The following VRK1 variants were observed in gnomAD, a reference collection of about 807,000 sequenced individuals.
The protein encoded by VRK1 is serine/threonine-protein kinase VRK1.
Under a neutral mutation model 57.1 loss-of-function variants are expected in VRK1, and 33 were observed. That is an observed-to-expected ratio of 0.58 (90% CI 0.44 to 0.77). The LOEUF (loss-of-function observed/expected upper bound fraction) is 0.77. Among genes scored for constraint, VRK1 ranks in the 30% least tolerant of loss-of-function variants. VRK1 has a pLI of 0.00. For synonymous variants in VRK1, 137 were observed against 147.8 expected (o/e 0.93, Z 0.53); for missense variants, 413 against 477.3 (o/e 0.87, Z 1.25).
rs115680137 is a variant in VRK1 at position 96,839,300 on chromosome 14, G to A, written c.216+1483G>A. 3.5e-3 allele frequency among the ~76,000 whole-genome samples: 534 copies of A among 152,166 alleles called. 9 individuals carry two copies. Among genetic ancestry groups the A allele is most frequent in the African/African-American group, 0.012 (513 of 41,502 alleles). On this transcript the variant is annotated intron_variant, in intron 3 of 12. Transcript: ENST00000216639. ...TCCAGTTTTTGGTATTATGAATAAAGCGTCTATAAACATTCTTGTACAAGT... is the reference window on the plus strand; with the variant it reads ...TCCAGTTTTTGGTATTATGAATAAAACGTCTATAAACATTCTTGTACAAGT...
At chr14:96,875,858 C>T (rs952401562) in intron 11 of VRK1, among the ~76,000 whole-genome samples, 172 bp from the exon 12 acceptor site, 5 of 152,194 alleles carry the variant, frequency 3.3e-5, no homozygotes, top group African/African-American at 1.2e-4. Flanking sequence ...TTCCATCCCT[C>T]ATCCATTCCT....
chr14:96,875,440 G>C (rs551592981), intron 11 of VRK1, among the ~76,000 whole-genome samples: 1 of 152,238 alleles, frequency 6.6e-6, no homozygotes, highest in East Asian at 1.9e-4. Flanking sequence ...TGTACAGTAA[G>C]GTTTATGGCC....
intron 2 of VRK1, among the ~76,000 whole-genome samples, chr14:96,836,504 T>C (rs919009231): frequency 1.4e-5 from 2 of 147,142 alleles, no homozygotes; most frequent in African/African-American, 2.5e-5. Context: ...TCAAGCACAC[T>C]CCTACATCAG....
intron 1 of VRK1, among the ~76,000 whole-genome samples, chr14:96,802,210 G>A (rs10147248): frequency 0.14 from 21,531 of 152,088 alleles, 2,700 homozygotes; most frequent in African/African-American, 0.34. Context: ...GCAATTTCTC[G>A]AAAAGTTAAA....
intron 1 of VRK1, among the ~76,000 whole-genome samples, chr14:96,807,423 C>T (rs1180356812): frequency 6.6e-6 from 1 of 152,196 alleles, no homozygotes; most frequent in African/African-American, 2.4e-5. Flanking sequence ...GGCATGGTTT[C>T]ATGTCAGTTT....
intron 1 of VRK1, among the ~76,000 whole-genome samples, chr14:96,813,150 T>G (rs1297077185): frequency 6.6e-6 from 1 of 152,226 alleles, no homozygotes; most frequent in African/African-American, 2.4e-5. Context: ...GAGATTGACA[T>G]ATACATAACT....
At chr14:96,829,724 CG>C (rs1460049878) in intron 1 of VRK1, among the ~76,000 whole-genome samples, 1 of 152,052 alleles carries the variant, frequency 6.6e-6, no homozygotes, top group African/African-American at 2.4e-5. Context: ...GCCTTTTTTG[CG>C]TATGTTATCC....
At chr14:96,847,535 T>C (rs1018016476) in intron 5 of VRK1, among the ~76,000 whole-genome samples, 191 bp downstream of exon 5, 5 of 152,174 alleles carry the variant, frequency 3.3e-5, no homozygotes, top group African/African-American at 1.2e-4. Flanking sequence ...CAGGCTATGA[T>C]GCCTTATTAG....
chr14:96,876,078 A>G lies in VRK1; in HGVS notation c.1117A>G (p.Thr373Ala), dbSNP rs199759408. The change falls in exon 12 of 13, where the codon ACG (threonine) becomes GCG (alanine). Residue 373 changes from threonine (T) to alanine (A), a missense_variant. By Grantham distance (58) the Thr-to-Ala change is moderately conservative. Transcript: ENST00000216639. ...AAGCAAGGAACCTGGTGTTGAAGAT[A>G]CGGAATGGTCAAACACACAGACAGA... The part of the protein sequence containing the change: ...EESKEPGVED[T>A]EWSNTQTEEA... 5.0e-6 allele frequency: 8 copies of G among 1,613,610 alleles called. No individual in the cohort carries two copies. The African/African-American group carries it at 8.0e-5, about 16-fold the overall frequency.
intron 1 of VRK1, among the ~76,000 whole-genome samples, chr14:96,823,069 T>C (rs1211818441): frequency 6.6e-6 from 1 of 152,206 alleles, no homozygotes; most frequent in Non-Finnish European, 1.5e-5. Context: ...GCAAAGTCCT[T>C]TCAGAGGAGG....
chr14:96,802,350 C>T (rs1053424298), intron 1 of VRK1, among the ~76,000 whole-genome samples: 1 of 152,146 alleles, frequency 6.6e-6, no homozygotes, highest in Non-Finnish European at 1.5e-5. Context: ...AAACCAGAAA[C>T]AACTCACATG....
At chr14:96,804,075 C>G (rs1461231425) in intron 1 of VRK1, among the ~76,000 whole-genome samples, 1 of 152,198 alleles carries the variant, frequency 6.6e-6, no homozygotes, top group East Asian at 1.9e-4. Flanking sequence ...TAGTGCCTAT[C>G]TTAGAACTCT....
intron 12 of VRK1, among the ~76,000 whole-genome samples, chr14:96,879,447 A>G (rs1026072241): frequency 3.9e-5 from 6 of 152,190 alleles, no homozygotes; most frequent in Non-Finnish European, 7.3e-5. Context: ...TAAGACATTA[A>G]TGAGAATAAT....
chr14:96,881,084 TTAA>T (rs1889240671), intron 12 of VRK1, 90 bp from the exon 13 acceptor site: 2 of 1,103,962 alleles, frequency 1.8e-6, no homozygotes, highest in South Asian at 2.9e-5. Flanking sequence ...TTTTAAAATG[TTAA>T]TAACTATATT....
intron 1 of VRK1, among the ~76,000 whole-genome samples, chr14:96,821,241 T>A (rs1379354299): frequency 6.6e-6 from 1 of 152,172 alleles, no homozygotes; most frequent in Non-Finnish European, 1.5e-5. Context: ...TTGGAGGTAT[T>A]TTATAAATGC....
chr14:96,835,295 GTTTATC>G (rs1291889492), intron 2 of VRK1, among the ~76,000 whole-genome samples: 2 of 152,132 alleles, frequency 1.3e-5, no homozygotes, highest in African/African-American at 4.8e-5. Context: ...ATTTGATACT[GTTTATC>G]TTTGTTTCTC....
intron 12 of VRK1, 116 bp from the exon 13 acceptor site, chr14:96,881,059 CGA>C (rs2139857375): frequency 1.1e-6 from 1 of 897,504 alleles, no homozygotes; most frequent in African/African-American, 1.7e-5. Context: ...TTGCAAATCA[CGA>C]GAGTCGATTT....
chr14:96,799,984 C>T (rs1347182654), intron 1 of VRK1, among the ~76,000 whole-genome samples: 2 of 149,282 alleles, frequency 1.3e-5, no homozygotes, highest in Non-Finnish European at 1.5e-5. Context: ...TAGCATCCAG[C>T]ACAGAATAAT....
At chr14:96,877,061 G>A (rs181230762) in intron 12 of VRK1, among the ~76,000 whole-genome samples, 2 of 148,410 alleles carry the variant, frequency 1.3e-5, no homozygotes, top group African/African-American at 4.9e-5. Flanking sequence ...GATTTTTCCT[G>A]TCTGCCTTTT....
Sources: allele counts gnomAD v4.1 joint callset (sites outside exome capture counted in the v4.1 genomes callset), GRCh38; gene constraint gnomAD v4.1.1; transcripts MANE v1.5; gene names NCBI Gene and HGNC (gene_info 2026-07-23, HGNC 2026-07-21).